Variants in LUZP1 observed in about 807,000 individuals in gnomAD.
LUZP1 encodes filamin mechanobinding actin cross-linking protein.
Under a neutral mutation model 71.3 loss-of-function variants are expected in LUZP1, and 25 were observed. That is an observed-to-expected ratio of 0.35 (90% CI 0.26 to 0.49). LUZP1 has a LOEUF of 0.49. Among genes scored for constraint, LUZP1 ranks in the 20% least tolerant of loss-of-function variants. The pLI is 0.99. For missense variants in LUZP1, 1,142 were observed against 1,300.8 expected (o/e 0.88, Z 1.88); for synonymous variants, 481 against 506.4 (o/e 0.95, Z 0.67).
Position 23,094,437 on chromosome 1 carries a change from C to T in LUZP1, c.-119-57G>A. 2 of 1,300,816 alleles carry T rather than the reference C, an allele frequency of 1.5e-6. No individual in the cohort carries two copies. The highest frequency in any genetic ancestry group is 3.8e-5 in the South Asian group (2 of 52,374). 80.6% of individuals were successfully genotyped at this position (1,300,816 alleles called of 1,614,324 possible). A position where few individuals can be genotyped will look rare whatever the true frequency, so the allele number is the denominator to read the frequency against. On this transcript the variant is annotated intron_variant, in intron 3 of 4. Coordinates refer to ENST00000302291, the Ensembl canonical transcript of LUZP1. This position sits in a 1 kb window ranked among gnomAD's most constrained non-coding sequence, Gnocchi z 4.7. ...AGCAAATGTAAAACCTGCACGTTAG[C>T]TCCCAGTTATAGAAAAGTGCTCCTA...
chr1:23,092,619 T>C (rs1273734295), exon 4 of LUZP1: 1 of 1,614,224 alleles, frequency 6.2e-7, no homozygotes, highest in African/African-American at 1.3e-5. Flanking sequence ...TTGACTTCCG[T>C]TGCCAAGCAC....
At position 23,094,414 on chromosome 1, in the gene LUZP1, C is replaced by A; in HGVS notation, c.-119-34G>T. 2 of 1,399,042 alleles carry A rather than the reference C, an allele frequency of 1.4e-6. No individual in the cohort carries two copies. The highest frequency in any genetic ancestry group is 1.9e-6 in the Non-Finnish European group (2 of 1,080,198). The allele number at this position is 1,399,042 out of a possible 1,614,324, so 86.7% of individuals were successfully genotyped here. A position where few individuals can be genotyped will look rare whatever the true frequency, so the allele number is the denominator to read the frequency against. The stretch of plus-strand genomic sequence containing the variant: ...GGAAAGTAGAAAGCATGTCAGTCAG[C>A]AAATGTAAAACCTGCACGTTAGCTC... On this transcript the variant is annotated intron_variant, in intron 3 of 4. Transcript: ENST00000302291. The surrounding 1 kb of genome is among the most constrained non-coding windows in gnomAD (Gnocchi z 4.7).
chr1:23,152,868 CTTTCT>C (rs1429862326), intron 2 of LUZP1, among the ~76,000 whole-genome samples: 3 of 152,080 alleles, frequency 2.0e-5, no homozygotes, highest in African/African-American at 7.2e-5. Context: ...GCTATCTTCA[CTTTCT>C]TTTCTTCTTT....
At chr1:23,135,282 G>C (rs1644244679) in intron 2 of LUZP1, among the ~76,000 whole-genome samples, 1 of 152,164 alleles carries the variant, frequency 6.6e-6, no homozygotes, top group Non-Finnish European at 1.5e-5. Flanking sequence ...TTCAATTCAG[G>C]TCAGGTTTTG....
intron 2 of LUZP1, among the ~76,000 whole-genome samples, chr1:23,162,411 CAT>C (rs1644474892): frequency 6.6e-6 from 1 of 151,762 alleles, no homozygotes; most frequent in African/African-American, 2.4e-5. Context: ...ATACTTCAAT[CAT>C]AAAGTTTTTA....
chr1:23,149,598 A>C (rs888301663), intron 2 of LUZP1, among the ~76,000 whole-genome samples: 4 of 152,182 alleles, frequency 2.6e-5, no homozygotes, highest in Admixed American at 2.0e-4. Context: ...AGTGTTGGGG[A>C]CAGAAACAAG....
intron 4 of LUZP1, chr1:23,090,879 G>A (rs1419743707): frequency 7.0e-6 from 5 of 717,754 alleles, no homozygotes; most frequent in East Asian, 5.4e-5. Flanking sequence ...GAGGGCCTAC[G>A]GGGAGCTCCT....
chr1:23,105,853 C>T (rs1208930), intron 3 of LUZP1, among the ~76,000 whole-genome samples: 100,519 of 151,978 alleles, frequency 0.66, 33,735 homozygotes, highest in Middle Eastern at 0.77. Context: ...AGCTCCAAAG[C>T]CAGGTAAAAT....
intron 2 of LUZP1, among the ~76,000 whole-genome samples, chr1:23,152,504 T>C (rs1257150289): frequency 6.6e-6 from 1 of 152,098 alleles, no homozygotes; most frequent in African/African-American, 2.4e-5. Flanking sequence ...AGTTAACTAA[T>C]ACCACAAATG....
chr1:23,094,372 A>T lies in LUZP1; in HGVS notation c.-111T>A. ...CAATCTTCTTTGACAGCTGGAGACC[A>T]TCATCAATCTACAAAAGGAAAGTAG... On this transcript the variant is annotated 5_prime_UTR_variant, in exon 4 of 5. The change abolishes an upstream ATG in the 5' untranslated region. Transcript: ENST00000302291. The surrounding 1 kb of genome is among the most constrained non-coding windows in gnomAD (Gnocchi z 4.7). 2.7e-6 allele frequency: 4 copies of T among 1,472,552 alleles called. No individual in the cohort carries two copies. The highest frequency in any genetic ancestry group is 3.6e-6 in the Non-Finnish European group (4 of 1,116,886). The allele number at this position is 1,472,552 out of a possible 1,614,324, so 91.2% of individuals were successfully genotyped here. A position where few individuals can be genotyped will look rare whatever the true frequency, so the allele number is the denominator to read the frequency against.
intron 3 of LUZP1, among the ~76,000 whole-genome samples, chr1:23,099,185 T>C (rs1392413738): frequency 6.6e-6 from 1 of 152,230 alleles, no homozygotes; most frequent in Non-Finnish European, 1.5e-5. Context: ...TTTTAAAAAC[T>C]CTTGCATTTG....
intron 3 of LUZP1, among the ~76,000 whole-genome samples, chr1:23,102,033 CT>C (rs34752235): frequency 6.2e-4 from 93 of 149,704 alleles, no homozygotes; most frequent in Non-Finnish European, 8.8e-4. Context: ...TTCTATCCTG[CT>C]TTTTTTTTTC....
chr1:23,160,984 T>C (rs913146601), intron 2 of LUZP1, among the ~76,000 whole-genome samples: 9 of 152,192 alleles, frequency 5.9e-5, no homozygotes, highest in South Asian at 2.1e-4. Context: ...AAAACCATGA[T>C]AGACTTCAAA....
intron 2 of LUZP1, among the ~76,000 whole-genome samples, chr1:23,139,062 T>A (rs1644282894): frequency 7.4e-6 from 1 of 135,362 alleles, no homozygotes. Flanking sequence ...ATCATATGTA[T>A]ATTTTGTATA....
intron 2 of LUZP1, among the ~76,000 whole-genome samples, chr1:23,121,546 T>G (rs1028059314): frequency 6.6e-6 from 1 of 152,024 alleles, no homozygotes; most frequent in African/African-American, 2.4e-5. Flanking sequence ...AGTAAGACCT[T>G]GTCTCTATAA....
At chr1:23,107,442 G>T (rs988527875) in intron 3 of LUZP1, among the ~76,000 whole-genome samples, 1 of 152,136 alleles carries the variant, frequency 6.6e-6, no homozygotes, top group Non-Finnish European at 1.5e-5. Flanking sequence ...AAAGCGTGTA[G>T]TAAGTGGCCA....
intron 2 of LUZP1, among the ~76,000 whole-genome samples, chr1:23,110,312 C>T (rs564691514): frequency 2.6e-5 from 4 of 152,310 alleles, no homozygotes; most frequent in African/African-American, 9.6e-5. Flanking sequence ...AAAAGCCTAC[C>T]ATCCCATTGA....
chr1:23,174,163 G>A (rs567037763), intron 1 of LUZP1, among the ~76,000 whole-genome samples: 5 of 152,160 alleles, frequency 3.3e-5, no homozygotes, highest in Non-Finnish European at 7.3e-5. Context: ...GTGGTACTAA[G>A]AATGGGGGTT....
chr1:23,110,699 C>T (rs1455290464), intron 2 of LUZP1, among the ~76,000 whole-genome samples: 2 of 151,812 alleles, frequency 1.3e-5, no homozygotes, highest in Admixed American at 6.6e-5. Flanking sequence ...GAGAGCAAGG[C>T]GGCTAGAATT....
Sources: gnomAD v4.1 joint callset for allele counts (sites outside exome capture counted in the v4.1 genomes callset) on GRCh38, gnomAD v4.1.1 for gene constraint, Gnocchi (gnomAD v3.1) non-coding constraint, MANE v1.5 for transcripts, NCBI Gene and HGNC (gene_info 2026-07-23, HGNC 2026-07-21) for gene names.